Variants in CEP128 observed in about 807,000 individuals in gnomAD.
CEP128 encodes the protein centrosomal protein 128.
CEP128 carries 132 observed loss-of-function variants against 156.7 expected under a neutral mutation model. The observed-to-expected ratio is 0.84, with a 90% CI of 0.73 to 0.97. CEP128 has a LOEUF of 0.97. CEP128 is among the 50% of genes least tolerant of loss of function. The pLI is 0.00. For missense variants in CEP128, 1,252 were observed against 1,281.9 expected (o/e 0.98, Z 0.36); for synonymous variants, 469 against 448.9 (o/e 1.04, Z -0.57).
chr14:80,671,250 C>A (rs905696368), intron 19 of CEP128, among the ~76,000 whole-genome samples: 1 of 152,046 alleles, frequency 6.6e-6, no homozygotes, highest in African/African-American at 2.4e-5. Context: ...TAAATAAAAG[C>A]AAATAGATTT....
At chr14:80,513,910 T>C (rs1888373381) in intron 23 of CEP128, among the ~76,000 whole-genome samples, 1 of 152,192 alleles carries the variant, frequency 6.6e-6, no homozygotes, top group Non-Finnish European at 1.5e-5. Context: ...GCTAGATCTT[T>C]TTCTTCCAGG....
chr14:80,821,618 C>T lies in CEP128; in HGVS notation c.1209+9525G>A, dbSNP rs1040590412. 1.1e-3 allele frequency among the ~76,000 whole-genome samples: 165 copies of T among 148,258 alleles called. 1 individual carries two copies. The highest frequency in any genetic ancestry group is 2.4e-3 in the South Asian group (11 of 4,670). On this transcript the variant is annotated intron_variant, in intron 13 of 24. Coordinates refer to ENST00000555265, the MANE Select transcript of CEP128 (RefSeq NM_152446.5). ...ACACACATACACACACACACACACA[C>T]ACACACACACACACACACACACACA...
At chr14:80,688,376 A>G (rs1357050115) in intron 19 of CEP128, among the ~76,000 whole-genome samples, 1 of 152,144 alleles carries the variant, frequency 6.6e-6, no homozygotes, top group African/African-American at 2.4e-5. Flanking sequence ...TTTTGGAAAC[A>G]GCCTTGCCAA....
At chr14:80,824,347 T>C (rs970921895) in intron 13 of CEP128, among the ~76,000 whole-genome samples, 4 of 152,238 alleles carry the variant, frequency 2.6e-5, no homozygotes, top group Admixed American at 1.3e-4. Flanking sequence ...TCAATACTTA[T>C]GCAAATTTCT....
chr14:80,722,257 C>A (rs1336415947), intron 19 of CEP128, among the ~76,000 whole-genome samples: 1 of 152,098 alleles, frequency 6.6e-6, no homozygotes, highest in East Asian at 1.9e-4. Context: ...CTGAGAAACA[C>A]CCAGCGTCAT....
intron 19 of CEP128, among the ~76,000 whole-genome samples, chr14:80,643,716 A>T (rs1194295431): frequency 8.7e-6 from 1 of 114,710 alleles, no homozygotes; most frequent in Non-Finnish European, 1.8e-5. Context: ...TCTCAAAAAA[A>T]TCGTGGTGGT....
intron 4 of CEP128, among the ~76,000 whole-genome samples, chr14:80,906,523 G>A (rs1241072093): frequency 3.3e-5 from 5 of 152,136 alleles, no homozygotes; most frequent in African/African-American, 1.2e-4. Context: ...CACAGTGACA[G>A]CTGCTACTGA....
chr14:80,537,392 G>C (rs182847569), intron 21 of CEP128, among the ~76,000 whole-genome samples: 81 of 152,256 alleles, frequency 5.3e-4, no homozygotes, highest in Non-Finnish European at 5.6e-4. Context: ...AGGGAAGACA[G>C]AGGAAATAAA....
intron 18 of CEP128, among the ~76,000 whole-genome samples, chr14:80,754,459 C>CTTTT (rs758603562): frequency 1.4e-4 from 15 of 104,794 alleles, no homozygotes; most frequent in African/African-American, 1.9e-4. Flanking sequence ...ATGTCCTGTT[C>CTTTT]TTTTTTTTTT....
chr14:80,498,213 G>A (rs1442126211), intron 24 of CEP128, among the ~76,000 whole-genome samples: 3 of 152,044 alleles, frequency 2.0e-5, no homozygotes, highest in African/African-American at 4.8e-5. Context: ...GTTTAAGAGC[G>A]AGCTCTAATG....
At chr14:80,586,047 GT>G (rs1184340264) in intron 19 of CEP128, among the ~76,000 whole-genome samples, 6 of 151,676 alleles carry the variant, frequency 4.0e-5, no homozygotes, top group Non-Finnish European at 5.9e-5. Flanking sequence ...TAGCTACCCA[GT>G]TATTGGAATC....
intron 23 of CEP128, among the ~76,000 whole-genome samples, chr14:80,523,393 T>G (rs1045249803): frequency 1.3e-5 from 2 of 152,178 alleles, no homozygotes; most frequent in African/African-American, 2.4e-5. Flanking sequence ...TGGGGCCACT[T>G]TTTTGGGGCC....
At chr14:80,641,136 T>C (rs1269086189) in intron 19 of CEP128, among the ~76,000 whole-genome samples, 1 of 152,198 alleles carries the variant, frequency 6.6e-6, no homozygotes, top group Non-Finnish European at 1.5e-5. Context: ...AAATTTCTAC[T>C]TCTCTCTGCA....
chr14:80,570,699 T>C (rs1382092482), intron 20 of CEP128, among the ~76,000 whole-genome samples: 1 of 152,248 alleles, frequency 6.6e-6, no homozygotes, highest in African/African-American at 2.4e-5. Flanking sequence ...AAATATCATA[T>C]GCATACAGTG....
intron 17 of CEP128, 108 bp downstream of exon 17, chr14:80,761,329 T>C (rs1349679598): frequency 2.4e-6 from 2 of 836,594 alleles, no homozygotes; most frequent in Admixed American, 6.0e-5. Context: ...TTTTGTTTTA[T>C]AAAATTTTCC....
At chr14:80,926,508 G>T (rs368869286) in intron 2 of CEP128, among the ~76,000 whole-genome samples, 1 of 152,164 alleles carries the variant, frequency 6.6e-6, no homozygotes, top group Non-Finnish European at 1.5e-5. Context: ...GCACTCAAAC[G>T]TGGGGAGCCA....
chr14:80,574,176 T>C (rs1015687618), intron 20 of CEP128, among the ~76,000 whole-genome samples: 2 of 152,176 alleles, frequency 1.3e-5, no homozygotes, highest in Admixed American at 6.5e-5. Flanking sequence ...TTTCTAAAAA[T>C]GTACTTTAGT....
At chr14:80,780,746 C>A (rs1901063723) in intron 15 of CEP128, among the ~76,000 whole-genome samples, 1 of 152,182 alleles carries the variant, frequency 6.6e-6, no homozygotes, top group Non-Finnish European at 1.5e-5. Flanking sequence ...AAGTTAGGAG[C>A]AAATGCTCTG....
rs1899691405 is a variant in CEP128 at position 80,756,903 on chromosome 14, C to T, written c.2602G>A (p.Ala868Thr). ...DIHYDPHRWL[A>T]ESKTKLQWLC... is the part of the protein sequence containing the mutation. ...TAAAGATTAATTACCTTGCTTTCTG[C>T]TAACCAGCGATGTGGGTCATAATGT... Residue 868 changes from alanine to threonine, a missense_variant, in exon 18 of 25, where the codon GCA (alanine) becomes ACA (threonine). Transcript: ENST00000555265. The T allele has an allele frequency of 6.3e-7, 1 of 1,594,874 alleles. No individual in the cohort carries two copies. The highest frequency in any genetic ancestry group is 2.2e-5 in the East Asian group (1 of 44,660).
Sources: allele counts gnomAD v4.1 joint callset (sites outside exome capture counted in the v4.1 genomes callset), GRCh38; gene constraint gnomAD v4.1.1; transcripts MANE v1.5; gene names NCBI Gene and HGNC (gene_info 2026-07-23, HGNC 2026-07-21).